The following FREM1 variants were observed in gnomAD, a reference collection of about 807,000 sequenced individuals.
The protein encoded by FREM1 is FRAS1 related extracellular matrix 1, also known as FRAS1-related extracellular matrix protein 1.
Under a neutral mutation model 210.1 loss-of-function variants are expected in FREM1, and 220 were observed. The observed-to-expected ratio is 1.05, with a 90% CI of 0.94 to 1.17. The LOEUF (loss-of-function observed/expected upper bound fraction) is 1.17. FREM1 is among the 50% of genes most tolerant of loss of function. FREM1 has a pLI of 0.00. For missense variants in FREM1, 3,454 were observed against 2,675.5 expected (o/e 1.29, Z -6.42); for synonymous variants, 1,189 against 980.2 (o/e 1.21, Z -3.98).
intron 1 of FREM1, among the ~76,000 whole-genome samples, chr9:14,871,631 T>G (rs913403662): frequency 2.2e-4 from 34 of 152,190 alleles, no homozygotes; most frequent in African/African-American, 7.5e-4. Context: ...GGTAGTTTCT[T>G]TTGCTGTGCA....
intron 35 of FREM1, among the ~76,000 whole-genome samples, chr9:14,744,822 A>C (rs1024482765): frequency 1.3e-5 from 2 of 152,238 alleles, no homozygotes; most frequent in East Asian, 3.8e-4. Flanking sequence ...ACTGTAAGAC[A>C]GTTCTACAAA....
intron 27 of FREM1, 31 bp from the exon 28 acceptor site, chr9:14,759,932 G>C (rs187907325): frequency 2.5e-6 from 4 of 1,593,220 alleles, no homozygotes; most frequent in Admixed American, 1.7e-5. Flanking sequence ...GAAATCATGA[G>C]AATGCATAGT....
rs564835728 is a variant in FREM1 at position 14,828,105 on chromosome 9, C to T, written c.1882-3113G>A. The stretch of plus-strand genomic sequence containing the variant: ...CCCAGCAGAGCCATGGGGTCAGGGC[C>T]ACCCCAGAGACCACCAATGTGCAAC... On this transcript the variant is annotated intron_variant, in intron 10 of 36. Transcript: ENST00000380880. 1.2e-4 allele frequency among the ~76,000 whole-genome samples: 19 copies of T among 152,312 alleles called. No individual in the cohort carries two copies. The East Asian group carries it at 3.3e-3, about 26-fold the overall frequency.
chr9:14,879,966 T>A (rs1311776884), intron 1 of FREM1, among the ~76,000 whole-genome samples: 1 of 152,156 alleles, frequency 6.6e-6, no homozygotes, highest in East Asian at 1.9e-4. Flanking sequence ...CAAATTTATA[T>A]GTTGAAGCCC....
intron 1 of FREM1, among the ~76,000 whole-genome samples, chr9:14,891,709 A>C (rs1382359709): frequency 6.6e-6 from 1 of 152,236 alleles, no homozygotes; most frequent in Non-Finnish European, 1.5e-5. Context: ...TTTGAAAGAA[A>C]AATTAGTATT....
chr9:14,842,474 T>C lies in FREM1; in HGVS notation c.1580A>G (p.Asn527Ser), dbSNP rs375691766. ...CCCCTCCTCCAGTTCAATCACAACATTGGTTATGAGGAACGGGGGACTATC... is the reference window on the plus strand; with the variant it reads ...CCCCTCCTCCAGTTCAATCACAACACTGGTTATGAGGAACGGGGGACTATC... ...KDDSPPFLIT[N>S]VVIELEEGQT... is the part of the protein sequence containing the mutation. The change falls in exon 9 of 37, where the codon AAT (asparagine) becomes AGT (serine). Residue 527 changes from asparagine to serine, a missense_variant. By Grantham distance (46) the Asn-to-Ser change is conservative. Transcript: ENST00000380880. 1 of 1,613,998 alleles carries C rather than the reference T, an allele frequency of 6.2e-7. No homozygotes were observed. Among genetic ancestry groups the C allele is most frequent in the African/African-American group, 1.3e-5 (1 of 75,038 alleles).
intron 12 of FREM1, 144 bp downstream of exon 12, chr9:14,823,881 G>C (rs529214359): frequency 6.0e-5 from 28 of 469,958 alleles, no homozygotes; most frequent in African/African-American, 4.9e-4. Flanking sequence ...CACACTTAAT[G>C]GAAACATACA....
chr9:14,806,277 G>C (rs561170150), intron 18 of FREM1, among the ~76,000 whole-genome samples: 1 of 91,840 alleles, frequency 1.1e-5, no homozygotes, highest in African/African-American at 3.6e-5. Flanking sequence ...TTTTTGAGAC[G>C]GAGTTTCCGC....
At chr9:14,776,453 G>C (rs1217723168) in intron 24 of FREM1, among the ~76,000 whole-genome samples, 1 of 152,158 alleles carries the variant, frequency 6.6e-6, no homozygotes, top group African/African-American at 2.4e-5. Flanking sequence ...TGATGGAACA[G>C]GGAAATTCTG....
intron 10 of FREM1, among the ~76,000 whole-genome samples, chr9:14,831,302 G>A (rs1268784056): frequency 6.6e-6 from 1 of 152,170 alleles, no homozygotes; most frequent in Non-Finnish European, 1.5e-5. Flanking sequence ...CATGAAATGT[G>A]CAAAGATTTT....
At chr9:14,804,511 G>T (rs575096400) in intron 19 of FREM1, among the ~76,000 whole-genome samples, 1 of 152,170 alleles carries the variant, frequency 6.6e-6, no homozygotes, top group Non-Finnish European at 1.5e-5. Context: ...CGTGAACCCG[G>T]GGGGCGGAGC....
At chr9:14,870,636 T>C (rs1051219057) in intron 1 of FREM1, among the ~76,000 whole-genome samples, 4 of 152,086 alleles carry the variant, frequency 2.6e-5, no homozygotes, top group African/African-American at 9.7e-5. Flanking sequence ...TAATATGGTT[T>C]CTTTTTTTTA....
intron 1 of FREM1, among the ~76,000 whole-genome samples, chr9:14,903,248 T>C (rs1839095155): frequency 6.6e-6 from 1 of 152,222 alleles, no homozygotes; most frequent in African/African-American, 2.4e-5. Context: ...CCAAAGTTAC[T>C]GAGCCATGAC....
chr9:14,902,617 C>T (rs1838985356), intron 1 of FREM1, among the ~76,000 whole-genome samples: 1 of 152,182 alleles, frequency 6.6e-6, no homozygotes, highest in Non-Finnish European at 1.5e-5. Flanking sequence ...ACCCAGTGCA[C>T]TGCCACCTCC....
At chr9:14,860,293 T>C (rs991415755) in intron 3 of FREM1, among the ~76,000 whole-genome samples, 9 of 151,832 alleles carry the variant, frequency 5.9e-5, no homozygotes, top group African/African-American at 2.2e-4. Context: ...GGAGAAGCAG[T>C]AAGAGGGGAA....
rs773134432 is a variant in FREM1 at position 14,788,917 on chromosome 9, A to G, written c.4177+2T>C. ...AGTAAACCTTGGTAGACGTGCTTTT[A>G]CCTTTTTCCATGTCCTTGATGGTGA... On this transcript the variant is annotated splice_donor_variant, in intron 23 of 36. Transcript: ENST00000380880. LOFTEE classifies it high-confidence loss of function. The G allele has an allele frequency of 6.2e-7, 1 of 1,609,618 alleles. No homozygotes were observed. The highest frequency in any genetic ancestry group is 1.1e-5 in the South Asian group (1 of 89,882).
rs773859434 is a variant in FREM1 at position 14,859,433 on chromosome 9, G to C, written c.381C>G (p.Leu127=). The C allele has an allele frequency of 2.5e-6, 4 of 1,613,776 alleles. No homozygotes were observed. Among genetic ancestry groups the C allele is most frequent in the Non-Finnish European group, 3.4e-6 (4 of 1,179,816 alleles). The change falls in exon 4 of 37, where the codon CTC becomes CTG. Residue 127 remains leucine, a synonymous_variant. Coordinates refer to ENST00000380880, the MANE Select transcript of FREM1 (RefSeq NM_001379081.2). The part of the protein sequence containing the change: ...FIETFILWVY[L]LEPDCNIIHM... ...GGATGATGTTACAGTCTGGTTCCAGGAGATAGACCCACAGGATAAAAGTTT... is the reference window on the plus strand; with the variant it reads ...GGATGATGTTACAGTCTGGTTCCAGCAGATAGACCCACAGGATAAAAGTTT...
intron 19 of FREM1, among the ~76,000 whole-genome samples, chr9:14,803,168 TTC>T (rs1452796253): frequency 3.8e-4 from 49 of 129,696 alleles, no homozygotes; most frequent in Admixed American, 5.2e-4. Context: ...TCATCTTTCT[TTC>T]TCTCTTTCCC....
At chr9:14,740,923 TA>T (rs112416857) in intron 35 of FREM1, among the ~76,000 whole-genome samples, 11 of 152,264 alleles carry the variant, frequency 7.2e-5, no homozygotes, top group African/African-American at 2.6e-4. Flanking sequence ...CAGTGCTCAT[TA>T]AAACCTCTTT....
Sources: gnomAD v4.1 joint callset for allele counts (sites outside exome capture counted in the v4.1 genomes callset) on GRCh38, gnomAD v4.1.1 for gene constraint, MANE v1.5 for transcripts, NCBI Gene and HGNC (gene_info 2026-07-23, HGNC 2026-07-21) for gene names.